SGCZ: variants seen among roughly 807,000 people sequenced by gnomAD.
The protein encoded by SGCZ is zeta-sarcoglycan.
SGCZ carries 40 observed loss-of-function variants against 41.3 expected under a neutral mutation model. That is an observed-to-expected ratio of 0.97 (90% CI 0.75 to 1.26). The LOEUF (loss-of-function observed/expected upper bound fraction) is 1.26, where lower values mean the gene tolerates loss of function less well. Among genes scored for constraint, SGCZ ranks in the 50% most tolerant of loss-of-function variants. The pLI, the probability that SGCZ is intolerant of heterozygous loss-of-function variation, is 0.00. For missense variants in SGCZ, 552 were observed against 369.8 expected, an observed-to-expected ratio of 1.49 and a Z score of -4.04; for synonymous variants, 206 against 137.5, an observed-to-expected ratio of 1.50 and a Z score of -3.49.
chr8:14,911,985 C>A (rs1460712993), intron 1 of SGCZ, among the ~76,000 whole-genome samples: 1 of 151,970 alleles, frequency 6.6e-6, no homozygotes, highest in Non-Finnish European at 1.5e-5. Context: ...CTACTGCTTA[C>A]ACTATTTCTG....
chr8:15,227,227 C>T lies in SGCZ; in HGVS notation c.39+10358G>A, dbSNP rs545723527. 9.2e-5 allele frequency among the ~76,000 whole-genome samples: 14 copies of T among 152,168 alleles called. No homozygotes were observed. The South Asian group carries it at 2.9e-3, about 32-fold the overall frequency. ...ATGTAAAGAGGGAATAGAAAAATAC[C>T]ATAGACAAAATCCCATACAAATTTT... On this transcript the variant is annotated intron_variant, in intron 1 of 7. Transcript: ENST00000382080.
rs77463199 is a variant in SGCZ, at chr8:14,465,862, T to G, written c.234+88870A>C. ...GTATATCCAAAAACATAAATGATTT[T>G]TAATACATTAGTCTCTTATGAGGAA... On this transcript the variant is annotated intron_variant, in intron 2 of 7. Transcript: ENST00000382080. 9.2e-3 allele frequency among the ~76,000 whole-genome samples: 1,396 copies of G among 152,016 alleles called. 17 individuals carry two copies. Among genetic ancestry groups the G allele is most frequent in the Middle Eastern group, 0.024 (7 of 294 alleles).
At chr8:14,180,179 A>T (rs947443539) in intron 4 of SGCZ, among the ~76,000 whole-genome samples, 1 of 152,198 alleles carries the variant, frequency 6.6e-6, no homozygotes, top group Non-Finnish European at 1.5e-5. Flanking sequence ...CACCAAAAAC[A>T]GTCTGTCACA....
chr8:14,345,045 C>A (rs937121271), intron 2 of SGCZ, among the ~76,000 whole-genome samples: 8 of 152,040 alleles, frequency 5.3e-5, no homozygotes, highest in African/African-American at 1.9e-4. Context: ...TATACACACA[C>A]AATTTTTTTC....
At chr8:14,223,352 C>T (rs1017003244) in intron 4 of SGCZ, among the ~76,000 whole-genome samples, 1 of 151,972 alleles carries the variant, frequency 6.6e-6, no homozygotes, top group Admixed American at 6.6e-5. Flanking sequence ...ATTTGAATTG[C>T]TTTACATTTG....
chr8:14,437,809 A>G (rs148398461), intron 2 of SGCZ, among the ~76,000 whole-genome samples: 1 of 151,788 alleles, frequency 6.6e-6, no homozygotes, highest in East Asian at 1.9e-4. Flanking sequence ...TCAACATTTC[A>G]TGCATTTAAT....
At chr8:14,624,575 T>TAA (rs1806391767) in intron 1 of SGCZ, among the ~76,000 whole-genome samples, 2 of 135,880 alleles carry the variant, frequency 1.5e-5, no homozygotes, top group Non-Finnish European at 3.2e-5. Context: ...TTTTTTTTTT[T>TAA]TTTTTTTTTT....
chr8:14,567,225 G>C (rs78665185), intron 1 of SGCZ, among the ~76,000 whole-genome samples: 1 of 152,196 alleles, frequency 6.6e-6, no homozygotes, highest in Non-Finnish European at 1.5e-5. Flanking sequence ...GAGTGCAGGC[G>C]CACGGCTTGG....
chr8:14,284,720 G>A (rs1359894233), intron 3 of SGCZ, among the ~76,000 whole-genome samples: 2 of 152,002 alleles, frequency 1.3e-5, no homozygotes, highest in East Asian at 3.9e-4. Flanking sequence ...ACCAATCAAT[G>A]TGTTTTCCTT....
intron 4 of SGCZ, among the ~76,000 whole-genome samples, chr8:14,212,197 G>A (rs981031486): frequency 6.6e-6 from 1 of 152,046 alleles, no homozygotes; most frequent in African/African-American, 2.4e-5. Flanking sequence ...CCAAGAAGCA[G>A]AAGGTGACCC....
At chr8:14,399,173 G>A (rs1037935) in intron 2 of SGCZ, among the ~76,000 whole-genome samples, 1 of 152,048 alleles carries the variant, frequency 6.6e-6, no homozygotes, top group East Asian at 1.9e-4. Flanking sequence ...ATATTGTTGT[G>A]TATCTTTCAT....
intron 7 of SGCZ, 72 bp downstream of exon 7, chr8:14,102,304 A>C (rs1397128349): frequency 7.6e-7 from 1 of 1,307,516 alleles, no homozygotes; most frequent in Non-Finnish European, 9.9e-7. Flanking sequence ...GTCAATTATA[A>C]ATAGGACATC....
At chr8:15,106,135 G>C (rs758545321) in intron 1 of SGCZ, among the ~76,000 whole-genome samples, 25 of 151,834 alleles carry the variant, frequency 1.6e-4, no homozygotes, top group Admixed American at 3.9e-4. Context: ...ATATTCTTTG[G>C]TTAATTTCAT....
intron 1 of SGCZ, among the ~76,000 whole-genome samples, chr8:14,708,620 G>GT (rs1398297975): frequency 6.6e-6 from 1 of 151,918 alleles, no homozygotes; most frequent in Non-Finnish European, 1.5e-5. Context: ...CAGAAAACTG[G>GT]TTTTAACAAT....
chr8:15,020,905 G>T (rs1007149142), intron 1 of SGCZ, among the ~76,000 whole-genome samples: 2 of 152,168 alleles, frequency 1.3e-5, no homozygotes, highest in Non-Finnish European at 2.9e-5. Flanking sequence ...TAGAAATTCA[G>T]TTAAAAGTGG....
intron 1 of SGCZ, among the ~76,000 whole-genome samples, chr8:14,808,333 C>G (rs1288598426): frequency 1.3e-5 from 2 of 152,086 alleles, no homozygotes; most frequent in South Asian, 2.1e-4. Flanking sequence ...ACCTACTCAT[C>G]TGACAAAGGG....
At chr8:14,695,267 T>A (rs539541154) in intron 1 of SGCZ, among the ~76,000 whole-genome samples, 1 of 152,294 alleles carries the variant, frequency 6.6e-6, no homozygotes, top group African/African-American at 2.4e-5. Flanking sequence ...AAGCTCTTTT[T>A]TCATAGAGGA....
intron 1 of SGCZ, among the ~76,000 whole-genome samples, chr8:14,596,230 T>C (rs377425763): frequency 2.6e-5 from 4 of 152,314 alleles, no homozygotes; most frequent in African/African-American, 9.6e-5. Context: ...AGGCAAAATA[T>C]TTTACAAAGC....
At chr8:14,276,799 G>A (rs948394721) in intron 3 of SGCZ, among the ~76,000 whole-genome samples, 4 of 152,252 alleles carry the variant, frequency 2.6e-5, no homozygotes, top group Admixed American at 6.5e-5. Context: ...GAAACAGAAG[G>A]CCAATTCCCA....
Sources: gnomAD v4.1 joint callset for allele counts (sites outside exome capture counted in the v4.1 genomes callset) on GRCh38, gnomAD v4.1.1 for gene constraint, MANE v1.5 for transcripts, NCBI Gene and HGNC (gene_info 2026-07-23, HGNC 2026-07-21) for gene names.